Variants in RSRC1 observed in about 807,000 individuals in gnomAD.
RSRC1 encodes serine/Arginine-related protein 53.
In RSRC1, 39 loss-of-function variants were observed where a neutral mutation model predicts 49.1. The ratio of observed to expected loss-of-function variants is 0.79; its 90% CI spans 0.61 to 1.04. The LOEUF (loss-of-function observed/expected upper bound fraction) is 1.04. Among genes scored for constraint, RSRC1 ranks in the 50% least tolerant of loss-of-function variants. The probability of loss-of-function intolerance (pLI) is 0.00; values close to 1 mark genes in which losing one functional copy is unlikely to be tolerated. For synonymous variants in RSRC1, 143 were observed against 130.8 expected (o/e 1.09, Z -0.63); for missense variants, 388 against 402.4 (o/e 0.96, Z 0.31).
intron 6 of RSRC1, among the ~76,000 whole-genome samples, chr3:158,369,585 T>A (rs1486014072): frequency 6.6e-6 from 1 of 152,274 alleles, no homozygotes; most frequent in East Asian, 1.9e-4. Flanking sequence ...TTTTAAAAAC[T>A]GTTTAAATAG....
At chr3:158,322,469 C>T (rs1728817593) in intron 5 of RSRC1, among the ~76,000 whole-genome samples, 1 of 152,134 alleles carries the variant, frequency 6.6e-6, no homozygotes. Flanking sequence ...AGAATTCAAC[C>T]ATTTATCTTT....
At chr3:158,133,977 C>T (rs1243817717) in intron 3 of RSRC1, among the ~76,000 whole-genome samples, 9 of 152,042 alleles carry the variant, frequency 5.9e-5, no homozygotes, top group Non-Finnish European at 1.3e-4. Context: ...ATTGAGTGGA[C>T]AGGAGGCAGT....
At chr3:158,364,879 T>A (rs1306465899) in intron 6 of RSRC1, among the ~76,000 whole-genome samples, 1 of 149,840 alleles carries the variant, frequency 6.7e-6, no homozygotes, top group East Asian at 1.9e-4. Context: ...ATAAATAAAT[T>A]AATTTAATAA....
chr3:158,306,435 A>G lies in RSRC1; in HGVS notation c.531+8360A>G, dbSNP rs141682308. 5.3e-4 allele frequency among the ~76,000 whole-genome samples: 81 copies of G among 152,066 alleles called. 2 individuals carry two copies. In the East Asian group the frequency reaches 0.01, roughly 19 times the overall value. On this transcript the variant is annotated intron_variant, in intron 5 of 9. Transcript: ENST00000611884. ...AAATCTGGAAGTTAATACTATTACT[A>G]TATCATTTAAAGCATTTCTAGGGAA... is the stretch of plus-strand genomic sequence containing the variant.
chr3:158,177,867 A>G (rs1272244843), intron 3 of RSRC1, among the ~76,000 whole-genome samples: 3 of 152,138 alleles, frequency 2.0e-5, no homozygotes, highest in Non-Finnish European at 1.5e-5. Flanking sequence ...ACTTTTTAGA[A>G]TCATCTTGAC....
chr3:158,453,382 CTTTTT>C (rs11288276), intron 6 of RSRC1, among the ~76,000 whole-genome samples: 1 of 138,138 alleles, frequency 7.2e-6, no homozygotes, highest in Non-Finnish European at 1.6e-5. Context: ...AGCCCGGAAC[CTTTTT>C]TTTTTTTTTT....
At chr3:158,517,603 T>G (rs2108484901) in intron 7 of RSRC1, among the ~76,000 whole-genome samples, 1 of 151,990 alleles carries the variant, frequency 6.6e-6, no homozygotes, top group East Asian at 1.9e-4. Context: ...AGACTTTTTT[T>G]TTTTTTAGAG....
At chr3:158,506,459 A>T (rs1739864412) in intron 7 of RSRC1, among the ~76,000 whole-genome samples, 1 of 152,044 alleles carries the variant, frequency 6.6e-6, no homozygotes, top group Non-Finnish European at 1.5e-5. Context: ...AGAGACTCTT[A>T]TTGTACAGCC....
In RSRC1 at chr3:158,529,214, G is replaced by GTGTGTATATATATATATATATATATA. The variant is rs374368016; in HGVS notation, c.653-7877_653-7876insGTGTATATATATATATATATATATAT. Reference sequence around the variant, plus strand: ...TTTATGTATATATGTATGTGTGTGTGTATATATATATATATATATATCCTA... The same window carrying GTGTGTATATATATATATATATATATA: ...TTTATGTATATATGTATGTGTGTGTGTGTGTATATATATATATATATATATATATATATATATATATATATATCCTA... On this transcript the variant is annotated intron_variant, in intron 7 of 9. Transcript: ENST00000611884. Among the ~76,000 whole-genome samples, 158 of 143,078 alleles carry GTGTGTATATATATATATATATATATA rather than the reference G, an allele frequency of 1.1e-3. 1 individual carries two copies. The highest frequency in any genetic ancestry group is 4.0e-3 in the African/African-American group (152 of 37,998). The allele number at this position is 143,078 out of a possible 152,430, so 93.9% of individuals were successfully genotyped here.
At chr3:158,450,331 CTTTT>C (rs57318071) in intron 6 of RSRC1, among the ~76,000 whole-genome samples, 1 of 127,306 alleles carries the variant, frequency 7.9e-6, no homozygotes, top group Non-Finnish European at 1.7e-5. Flanking sequence ...TTCTTTTTTG[CTTTT>C]TTTTTTTTTT....
At chr3:158,218,186 G>A (rs145295933) in intron 4 of RSRC1, among the ~76,000 whole-genome samples, 2 of 151,736 alleles carry the variant, frequency 1.3e-5, no homozygotes, top group East Asian at 3.9e-4. Context: ...TGCCTTTGAA[G>A]TGGTTTAATC....
chr3:158,224,843 A>C lies in RSRC1; in HGVS notation c.494+21598A>C, dbSNP rs372152869. 7.7e-4 allele frequency among the ~76,000 whole-genome samples: 117 copies of C among 151,964 alleles called. 4 individuals carry two copies. In the South Asian group the frequency reaches 0.022, roughly 29 times the overall value. On this transcript the variant is annotated intron_variant, in intron 4 of 9. Transcript: ENST00000611884. Reference sequence around the variant, plus strand: ...ATGGTCTACTGTATAGCAGGTGATAAATTTATTTTGAGAGAAGAATATTAA... The same window carrying C: ...ATGGTCTACTGTATAGCAGGTGATACATTTATTTTGAGAGAAGAATATTAA...
intron 6 of RSRC1, among the ~76,000 whole-genome samples, chr3:158,419,536 C>G (rs1414675904): frequency 6.6e-6 from 1 of 151,836 alleles, no homozygotes; most frequent in East Asian, 1.9e-4. Flanking sequence ...GAACACTTAA[C>G]CTAATGACAA....
Position 158,418,627 on chromosome 3 carries a change from A to C in RSRC1, c.584-42308A>C, listed in dbSNP as rs151108183. On this transcript the variant is annotated intron_variant, in intron 6 of 9. Coordinates refer to ENST00000611884, the MANE Select transcript of RSRC1 (RefSeq NM_001271838.2). ...TAGCTAGCCCTTTACCTCCACAGAA[A>C]GGTAGGCCAAGAAGGGATATACCGG... Among the ~76,000 whole-genome samples the C allele has an allele frequency of 1.1e-4, 17 of 152,090 alleles. No homozygotes were observed. In the East Asian group the frequency reaches 3.3e-3, roughly 30 times the overall value.
intron 6 of RSRC1, among the ~76,000 whole-genome samples, chr3:158,402,648 A>G (rs1733951367): frequency 6.6e-6 from 1 of 151,836 alleles, no homozygotes; most frequent in Non-Finnish European, 1.5e-5. Flanking sequence ...TGCTTAGTGT[A>G]GTCATTCACC....
chr3:158,362,681 C>T (rs1443349863), intron 6 of RSRC1, among the ~76,000 whole-genome samples: 1 of 152,168 alleles, frequency 6.6e-6, no homozygotes, highest in Non-Finnish European at 1.5e-5. Context: ...GGAGGGAAAA[C>T]AGGAAGTTTA....
rs150816281 is a variant in RSRC1, at chr3:158,224,771, A to G, written c.494+21526A>G. 5.0e-3 allele frequency among the ~76,000 whole-genome samples: 763 copies of G among 151,974 alleles called. 5 individuals are homozygous for G. Among genetic ancestry groups the G allele is most frequent in the African/African-American group, 0.018 (728 of 41,520 alleles). On this transcript the variant is annotated intron_variant, in intron 4 of 9. Transcript: ENST00000611884. ...ATCTCATCTATTGTATTAACCTTCA[A>G]CTAGTATTTTAGATATAATTATTTT...
chr3:158,421,482 T>A (rs1342192062), intron 6 of RSRC1, among the ~76,000 whole-genome samples: 3 of 151,790 alleles, frequency 2.0e-5, no homozygotes, highest in African/African-American at 4.8e-5. Flanking sequence ...ATTGCAGTAA[T>A]TAAAGTGAAA....
chr3:158,236,116 C>CCA (rs1723229699), intron 4 of RSRC1, among the ~76,000 whole-genome samples: 1 of 136,278 alleles, frequency 7.3e-6, no homozygotes, highest in South Asian at 2.3e-4. Context: ...AGTCTTGTCT[C>CCA]AAAAAAAAAA....
Sources: allele counts gnomAD v4.1 joint callset (sites outside exome capture counted in the v4.1 genomes callset), GRCh38; gene constraint gnomAD v4.1.1; transcripts MANE v1.5; gene names NCBI Gene and HGNC (gene_info 2026-07-23, HGNC 2026-07-21).